PRDM6: variants seen among roughly 807,000 people sequenced by gnomAD.
The protein encoded by PRDM6 is PR/SET domain 6.
PRDM6 carries 25 observed loss-of-function variants against 60.8 expected under a neutral mutation model. That is an observed-to-expected ratio of 0.41 (90% confidence interval 0.30 to 0.57). The LOEUF is 0.57. Ranked by LOEUF, PRDM6 falls within the 20% of genes least tolerant of loss-of-function variation. The pLI, the probability that PRDM6 is intolerant of heterozygous loss-of-function variation, is 0.27. For synonymous variants in PRDM6, 407 were observed against 357.4 expected (o/e 1.14, Z -1.57); for missense variants, 839 against 821.3 (o/e 1.02, Z -0.26).
At chr5:123,131,551 C>T (rs565144982) in intron 3 of PRDM6, among the ~76,000 whole-genome samples, 2 of 152,230 alleles carry the variant, frequency 1.3e-5, no homozygotes, top group African/African-American at 4.8e-5. Context: ...TTTGCACATA[C>T]TATCCACCTT....
At chr5:123,127,914 C>G (rs1281672137) in intron 3 of PRDM6, among the ~76,000 whole-genome samples, 1 of 151,938 alleles carries the variant, frequency 6.6e-6, no homozygotes, top group Non-Finnish European at 1.5e-5. Context: ...GCTATCCTTC[C>G]CCCAGCCCCC....
intron 3 of PRDM6, among the ~76,000 whole-genome samples, chr5:123,128,369 A>G (rs542000031): frequency 6.6e-6 from 1 of 152,220 alleles, no homozygotes; most frequent in South Asian, 2.1e-4. Context: ...GGTTGAACTA[A>G]TTTACACTCC....
rs376110738 is a variant in PRDM6, at chr5:123,090,610, C to G, written c.592+4C>G. Reference sequence around the variant, plus strand: ...CACACCAGCGACCCCAACAACCGTACGTAGCCGCAGCCCGCGCGCTCTCTC... The same window carrying G: ...CACACCAGCGACCCCAACAACCGTAGGTAGCCGCAGCCCGCGCGCTCTCTC... On this transcript the variant is annotated splice_donor_region_variant and intron_variant, in intron 2 of 7. Transcript: ENST00000407847. 1 of 1,517,866 alleles carries G rather than the reference C, an allele frequency of 6.6e-7. No individual in the cohort carries two copies. The allele number at this position is 1,517,866 out of a possible 1,614,324, so 94.0% of individuals were successfully genotyped here.
chr5:123,161,827 A>C (rs1225755051), intron 5 of PRDM6, among the ~76,000 whole-genome samples: 1 of 152,098 alleles, frequency 6.6e-6, no homozygotes, highest in Admixed American at 6.5e-5. Flanking sequence ...GAACTATTTG[A>C]CTGAATTTTT....
intron 7 of PRDM6, among the ~76,000 whole-genome samples, chr5:123,186,419 A>T (rs79783724): frequency 1.3e-5 from 2 of 152,162 alleles, no homozygotes; most frequent in African/African-American, 2.4e-5. Context: ...GAAGTGTGAC[A>T]TTTTCTCCTC....
At chr5:123,100,124 G>T (rs776214423) in intron 3 of PRDM6, among the ~76,000 whole-genome samples, 163 bp downstream of exon 3, 1 of 152,206 alleles carries the variant, frequency 6.6e-6, no homozygotes, top group Non-Finnish European at 1.5e-5. Flanking sequence ...TCCTGTAGAT[G>T]CCTGGTGTCT....
At chr5:123,093,793 G>C (rs1170942931) in intron 2 of PRDM6, among the ~76,000 whole-genome samples, 1 of 152,178 alleles carries the variant, frequency 6.6e-6, no homozygotes, top group Non-Finnish European at 1.5e-5. Context: ...ACAGTCACAG[G>C]GCGCGCCTGG....
intron 3 of PRDM6, among the ~76,000 whole-genome samples, chr5:123,148,490 T>C (rs1765298131): frequency 6.6e-6 from 1 of 152,010 alleles, no homozygotes; most frequent in Non-Finnish European, 1.5e-5. Context: ...AATATATATT[T>C]GAGAAAAAAT....
intron 2 of PRDM6, among the ~76,000 whole-genome samples, chr5:123,091,039 G>T (rs1763828195): frequency 6.6e-6 from 1 of 152,146 alleles, no homozygotes; most frequent in African/African-American, 2.4e-5. Flanking sequence ...AGCGTCTCTG[G>T]GGAGCACGCA....
Position 123,090,286 on chromosome 5 carries a change from C to G in PRDM6, c.272C>G (p.Ser91Cys). Residue 91 changes from serine (S) to cysteine (C), a missense_variant, in exon 2 of 8, where the codon TCC (serine) becomes TGC (cysteine). Transcript: ENST00000407847. Reference protein sequence around the residue: ...STPASSSTSASSASSCAAAAA... With the variant: ...STPASSSTSACSASSCAAAAA... ...CCGGCTTCCTCTTCCACCTCCGCCT[C>G]CTCCGCCTCCTCCTGCGCTGCTGCG... The G allele has an allele frequency of 1.3e-6, 2 of 1,490,764 alleles. No homozygotes were observed. Among genetic ancestry groups the G allele is most frequent in the Non-Finnish European group, 8.9e-7 (1 of 1,121,788 alleles). The allele number at this position is 1,490,764 out of a possible 1,614,324, so 92.3% of individuals were successfully genotyped here.
At chr5:123,179,479 G>A (rs1766093684) in intron 6 of PRDM6, among the ~76,000 whole-genome samples, 1 of 152,214 alleles carries the variant, frequency 6.6e-6, no homozygotes, top group African/African-American at 2.4e-5. Context: ...GTGTACATCT[G>A]TGTTCATCTG....
At chr5:123,181,467 G>A (rs1766159775) in intron 7 of PRDM6, among the ~76,000 whole-genome samples, 1 of 152,180 alleles carries the variant, frequency 6.6e-6, no homozygotes, top group Non-Finnish European at 1.5e-5. Context: ...CAGGTGGAAA[G>A]GCCTGAGAGT....
chr5:123,095,900 G>A (rs1314575754), intron 2 of PRDM6, among the ~76,000 whole-genome samples: 1 of 152,098 alleles, frequency 6.6e-6, no homozygotes, highest in African/African-American at 2.4e-5. Context: ...AGAAAACCAT[G>A]GCCTGCTTTG....
intron 3 of PRDM6, among the ~76,000 whole-genome samples, chr5:123,151,678 G>A (rs765596966): frequency 3.3e-5 from 5 of 151,984 alleles, no homozygotes; most frequent in Admixed American, 6.6e-5. Flanking sequence ...CACAGTGCTC[G>A]GCATTCTGGC....
At chr5:123,121,294 T>C (rs1157826942) in intron 3 of PRDM6, among the ~76,000 whole-genome samples, 1 of 152,222 alleles carries the variant, frequency 6.6e-6, no homozygotes, top group East Asian at 1.9e-4. Flanking sequence ...GCAACTTATT[T>C]TGAATATTTT....
chr5:123,160,986 AGATCTT>A (rs1765617531), intron 5 of PRDM6, among the ~76,000 whole-genome samples: 1 of 152,202 alleles, frequency 6.6e-6, no homozygotes, highest in Non-Finnish European at 1.5e-5. Context: ...CCCCAAAACT[AGATCTT>A]TATCTATGCA....
intron 7 of PRDM6, among the ~76,000 whole-genome samples, chr5:123,186,018 A>G (rs779952848): frequency 3.3e-5 from 5 of 152,146 alleles, no homozygotes; most frequent in Non-Finnish European, 7.3e-5. Context: ...TTTTTCTTCA[A>G]AGGTTTGAGG....
intron 3 of PRDM6, among the ~76,000 whole-genome samples, chr5:123,100,405 C>T (rs1426538702): frequency 6.6e-6 from 1 of 152,146 alleles, no homozygotes; most frequent in South Asian, 2.1e-4. Flanking sequence ...GTGTAGTGAG[C>T]AGAAAGGAAC....
chr5:123,190,271 A>C lies in PRDM6; in HGVS notation c.*3070A>C, dbSNP rs1233453603. ...AGAGTCTAAGACGAAAGGTAATGCCAGGGAAAAGTCAGGGTGCAATAGGAT... is the reference window on the plus strand; with the variant it reads ...AGAGTCTAAGACGAAAGGTAATGCCCGGGAAAAGTCAGGGTGCAATAGGAT... On this transcript the variant is annotated 3_prime_UTR_variant, in exon 8 of 8. Transcript: ENST00000407847. 6.6e-6 allele frequency: 1 copy of C among 152,194 alleles called. No individual in the cohort carries two copies. Among genetic ancestry groups the C allele is most frequent in the African/African-American group, 2.4e-5 (1 of 41,442 alleles). The allele number at this position is 152,194 out of a possible 1,614,324, so 9.4% of individuals were successfully genotyped here.
Sources: allele counts gnomAD v4.1 joint callset (sites outside exome capture counted in the v4.1 genomes callset), GRCh38; gene constraint gnomAD v4.1.1; transcripts MANE v1.5; gene names NCBI Gene and HGNC (gene_info 2026-07-23, HGNC 2026-07-21).